CAMK2B: variants seen among roughly 807,000 people sequenced by gnomAD.
CAMK2B encodes calcium/calmodulin-dependent protein kinase type II subunit beta.
Under a neutral mutation model 93.7 loss-of-function variants are expected in CAMK2B, and 27 were observed. The ratio of observed to expected loss-of-function variants is 0.29; its 90% CI spans 0.21 to 0.40. The LOEUF is 0.40. Ranked by LOEUF, CAMK2B falls within the 10% of genes least tolerant of loss-of-function variation. The pLI, the probability that CAMK2B is intolerant of heterozygous loss-of-function variation, is 1.00. For missense variants in CAMK2B, 568 were observed against 895.8 expected, an observed-to-expected ratio of 0.63 and a Z score of 4.67; for synonymous variants, 374 against 358.8, an observed-to-expected ratio of 1.04 and a Z score of -0.48.
intron 2 of CAMK2B, among the ~76,000 whole-genome samples, chr7:44,283,158 A>G (rs1259497659): frequency 6.6e-6 from 1 of 152,220 alleles, no homozygotes; most frequent in Non-Finnish European, 1.5e-5. Flanking sequence ...GACCCCTGCC[A>G]TAGTCCCTCC....
In CAMK2B at chr7:44,226,557, G is replaced by A. The variant is rs776719958; in HGVS notation, c.1556C>T (p.Pro519Leu). ...GCCAGGGATAGTCGGAGATGGGCAG[G>A]GCGGGGGCCCCACTGGCGAGGGGCC... The part of the protein sequence containing the change: ...AEGPSPVGPP[P>L]CPSPTIPGPL... Residue 519 changes from proline to leucine, a missense_variant, in exon 20 of 24, where the codon CCC becomes CTC. Pro to Leu is a moderately conservative substitution (Grantham distance 98). Around this residue, in one of 4 missense-constraint regions of CAMK2B, gnomAD observed 308 missense variants for 292.1 expected, o/e 1.05. Coordinates refer to ENST00000395749, the MANE Select transcript of CAMK2B (RefSeq NM_001220.5). 1.1e-5 allele frequency: 16 copies of A among 1,466,638 alleles called. No homozygotes were observed. The Admixed American group carries it at 2.3e-4, about 21-fold the overall frequency. The allele number at this position is 1,466,638 out of a possible 1,614,324, so 90.9% of individuals were successfully genotyped here.
rs1473433290 is a variant in CAMK2B at position 44,219,157 on chromosome 7, A to G, written c.*368T>C. On this transcript the variant is annotated 3_prime_UTR_variant, in exon 24 of 24. Transcript: ENST00000395749. ...AGCACGCGACGGGGGCCTGGCAGAC[A>G]AGTTCATGTCCCAGCTGGTCCCCCA... is the stretch of plus-strand genomic sequence containing the variant. 6.6e-6 allele frequency: 1 copy of G among 152,178 alleles called. No individual in the cohort carries two copies. Among genetic ancestry groups the G allele is most frequent in the East Asian group, 1.9e-4 (1 of 5,186 alleles). 9.4% of individuals were successfully genotyped at this position (152,178 alleles called of 1,614,324 possible). A position where few individuals can be genotyped will look rare whatever the true frequency, so the allele number is the denominator to read the frequency against.
At chr7:44,237,177 T>G (rs75831906) in intron 13 of CAMK2B, among the ~76,000 whole-genome samples, 8,700 of 152,262 alleles carry the variant, frequency 0.057, 318 homozygotes, top group South Asian at 0.1. Flanking sequence ...CCTCAGAAGA[T>G]TCTCACAGGA....
intron 1 of CAMK2B, among the ~76,000 whole-genome samples, chr7:44,287,119 G>A (rs1785345081): frequency 6.6e-6 from 1 of 152,094 alleles, no homozygotes; most frequent in Non-Finnish European, 1.5e-5. Flanking sequence ...CCAGCTGGGG[G>A]AAGGCGCAGG....
At chr7:44,240,441 G>A (rs1404994387) in intron 12 of CAMK2B, among the ~76,000 whole-genome samples, 2 of 152,184 alleles carry the variant, frequency 1.3e-5, no homozygotes, top group African/African-American at 4.8e-5. Flanking sequence ...GCCCCAGTGG[G>A]GCAGCACAGA....
At chr7:44,300,020 C>CTGTGTCTG (rs71011968) in intron 1 of CAMK2B, among the ~76,000 whole-genome samples, 7,270 of 141,656 alleles carry the variant, frequency 0.051, 190 homozygotes, top group Non-Finnish European at 0.071. Flanking sequence ...GTGTATGTGT[C>CTGTGTCTG]TGTGTGTGTG....
chr7:44,312,685 G>C lies in CAMK2B; in HGVS notation c.65+12672C>G, dbSNP rs577478496. ...AGAGAGGGAGAGAAACAGAGAGACAGAGGAGACAGAGAAAGAGTAACACCT... is the reference window on the plus strand; with the variant it reads ...AGAGAGGGAGAGAAACAGAGAGACACAGGAGACAGAGAAAGAGTAACACCT... On this transcript the variant is annotated intron_variant, in intron 1 of 23. Transcript: ENST00000395749. This position sits in a 1 kb window ranked among gnomAD's most constrained non-coding sequence, Gnocchi z 4.1. Among the ~76,000 whole-genome samples the C allele has an allele frequency of 2.0e-5, 3 of 152,330 alleles. No homozygotes were observed. Among genetic ancestry groups the C allele is most frequent in the Non-Finnish European group, 4.4e-5 (3 of 68,022 alleles).
In CAMK2B at chr7:44,220,849, G is replaced by T. The variant is rs1292336597; in HGVS notation, c.1650C>A (p.Asn550Lys). 1.3e-6 allele frequency: 2 copies of T among 1,571,972 alleles called. No homozygotes were observed. ...KTTEQLIEAVNNGDFEAYAKI... is the reference protein window; with the variant it reads ...KTTEQLIEAVKNGDFEAYAKI... The stretch of plus-strand genomic sequence containing the variant: ...ACGCGTAGGCCTCAAAGTCACCGTT[G>T]TTGACGGCCTCGATGAGCTGCTCCG... The change falls in exon 21 of 24, where the codon AAC becomes AAA. Residue 550 changes from asparagine (N) to lysine (K), a missense_variant. Asn to Lys is a moderately conservative substitution (Grantham distance 94, BLOSUM62 0). This residue lies in a region of CAMK2B where 116 missense variants were observed against 188.0 expected (regional missense o/e 0.62). Transcript: ENST00000395749.
chr7:44,309,788 G>C (rs761425413), intron 1 of CAMK2B, among the ~76,000 whole-genome samples: 1 of 152,232 alleles, frequency 6.6e-6, no homozygotes, highest in Admixed American at 6.5e-5. Context: ...AGAAACTGGG[G>C]ACGAGAGAGA....
chr7:44,242,415 T>C, intron 9 of CAMK2B, 75 bp from the exon 10 acceptor site: 1 of 1,570,918 alleles, frequency 6.4e-7, no homozygotes, highest in Middle Eastern at 1.7e-4. Context: ...CCAAGGGGCT[T>C]CATCTCCAGC....
rs1444354159 is a variant in CAMK2B at position 44,225,471 on chromosome 7, C to G, written c.1597+1045G>C. The stretch of plus-strand genomic sequence containing the variant: ...CAGCATCAAGAACCTGGCCTCTCCC[C>G]TCAGCTGCTTGCCTCTGATCCCCTC... On this transcript the variant is annotated intron_variant, in intron 20 of 23. Coordinates refer to ENST00000395749, the MANE Select transcript of CAMK2B (RefSeq NM_001220.5). This position sits in a 1 kb window ranked among gnomAD's most constrained non-coding sequence, Gnocchi z 5.0. Among the ~76,000 whole-genome samples the G allele has an allele frequency of 2.0e-5, 3 of 152,158 alleles. No homozygotes were observed. The highest frequency in any genetic ancestry group is 4.4e-5 in the Non-Finnish European group (3 of 68,018).
At chr7:44,249,288 G>A (rs1312764728) in intron 5 of CAMK2B, among the ~76,000 whole-genome samples, 1 of 152,194 alleles carries the variant, frequency 6.6e-6, no homozygotes, top group Non-Finnish European at 1.5e-5. Context: ...CCCTCTGGTG[G>A]GCAGACTCAG....
At chr7:44,304,227 A>G (rs1790842308) in intron 1 of CAMK2B, among the ~76,000 whole-genome samples, 1 of 152,204 alleles carries the variant, frequency 6.6e-6, no homozygotes, top group African/African-American at 2.4e-5. Context: ...CTTACACTCC[A>G]GCAATCACAC....
At chr7:44,259,084 G>T (rs1468730607) in intron 3 of CAMK2B, among the ~76,000 whole-genome samples, 158 bp from the exon 4 acceptor site, 2 of 152,216 alleles carry the variant, frequency 1.3e-5, no homozygotes, top group Admixed American at 1.3e-4. Flanking sequence ...CAGAGGGCAG[G>T]GCTGAGCAGA....
intron 16 of CAMK2B, among the ~76,000 whole-genome samples, chr7:44,231,830 G>C (rs1016553766): frequency 6.6e-6 from 1 of 152,214 alleles, no homozygotes; most frequent in Admixed American, 6.5e-5. Flanking sequence ...TCCCCAGGAG[G>C]CCTGCTCTGC....
chr7:44,238,831 G>C (rs529585776), intron 13 of CAMK2B, among the ~76,000 whole-genome samples: 62 of 152,318 alleles, frequency 4.1e-4, no homozygotes, highest in African/African-American at 1.4e-3. Context: ...CTTCAGCTCA[G>C]GCTGGAGCTG....
chr7:44,254,649 CT>C (rs764418503), intron 4 of CAMK2B, 42 bp from the exon 5 acceptor site: 31 of 1,376,976 alleles, frequency 2.3e-5, no homozygotes, highest in Non-Finnish European at 3.0e-5. Context: ...CTGGAGACCC[CT>C]GTCACACTGC....
intron 20 of CAMK2B, among the ~76,000 whole-genome samples, chr7:44,223,166 T>G (rs2096433368): frequency 1.3e-5 from 2 of 152,328 alleles, no homozygotes; most frequent in East Asian, 3.9e-4. Flanking sequence ...GTGCAGTGCC[T>G]ATGAGCGTGC....
At chr7:44,235,757 A>G (rs2096619581) in intron 13 of CAMK2B, among the ~76,000 whole-genome samples, 1 of 152,232 alleles carries the variant, frequency 6.6e-6, no homozygotes, top group African/African-American at 2.4e-5. Context: ...GGATGACGAC[A>G]TGGGAAGTGT....
Sources: gnomAD v4.1 joint callset for allele counts (sites outside exome capture counted in the v4.1 genomes callset) on GRCh38, gnomAD v4.1.1 for gene constraint, gnomAD v4.1.1 regional missense constraint, Gnocchi (gnomAD v3.1) non-coding constraint, MANE v1.5 for transcripts, NCBI Gene and HGNC (gene_info 2026-07-23, HGNC 2026-07-21) for gene names.